Variants in CDH3 observed in about 807,000 individuals in gnomAD.
CDH3 encodes the protein cadherin-3.
In CDH3, 54 loss-of-function variants were observed where a neutral mutation model predicts 82.0. The observed-to-expected ratio is 0.66, with a 90% CI of 0.53 to 0.83. The LOEUF (loss-of-function observed/expected upper bound fraction) is 0.83. Ranked by LOEUF, CDH3 falls within the 40% of genes least tolerant of loss-of-function variation. The probability of loss-of-function intolerance (pLI) is 0.00; values close to 1 mark genes in which losing one functional copy is unlikely to be tolerated. For missense variants in CDH3, 1,054 were observed against 1,084.6 expected (o/e 0.97, Z 0.40); for synonymous variants, 446 against 437.9 (o/e 1.02, Z -0.23).
chr16:68,651,238 T>C (rs2152089714), intron 2 of CDH3: 1 of 533,798 alleles, frequency 1.9e-6, no homozygotes, highest in Non-Finnish European at 3.8e-6. Context: ...GGAGTTGTCA[T>C]ACTTGTTGGT....
intron 2 of CDH3, among the ~76,000 whole-genome samples, chr16:68,660,658 T>C (rs1669097133): frequency 1.3e-5 from 2 of 152,232 alleles, no homozygotes; most frequent in South Asian, 2.1e-4. Flanking sequence ...AAAGGATGCA[T>C]TCTTGAAAAC....
chr16:68,649,772 G>A (rs1429131164), intron 2 of CDH3, among the ~76,000 whole-genome samples: 7 of 152,202 alleles, frequency 4.6e-5, no homozygotes, highest in East Asian at 1.9e-4. Context: ...GGTGGCTCAC[G>A]GCTGTAATCC....
intron 2 of CDH3, among the ~76,000 whole-genome samples, chr16:68,659,016 A>T (rs1567439429): frequency 6.6e-6 from 1 of 152,220 alleles, no homozygotes; most frequent in Non-Finnish European, 1.5e-5. Flanking sequence ...TTTTTCAATA[A>T]AAATATGTGG....
At chr16:68,687,774 C>G (rs775699138) in intron 12 of CDH3, 38 bp downstream of exon 12, 1 of 1,478,956 alleles carries the variant, frequency 6.8e-7, no homozygotes, top group Admixed American at 1.7e-5. Flanking sequence ...GGGGTGCCAG[C>G]CCCACTGGTG....
At chr16:68,663,569 A>G (rs1960656554) in intron 2 of CDH3, among the ~76,000 whole-genome samples, 1 of 151,780 alleles carries the variant, frequency 6.6e-6, no homozygotes, top group Admixed American at 6.6e-5. Flanking sequence ...CAAATGTACT[A>G]TGCTGTTGCA....
chr16:68,671,045 C>G (rs1960871500), intron 2 of CDH3, among the ~76,000 whole-genome samples: 1 of 151,934 alleles, frequency 6.6e-6, no homozygotes, highest in African/African-American at 2.4e-5. Context: ...TGCACTCCAG[C>G]CTGAGTAACA....
intron 3 of CDH3, 87 bp from the exon 4 acceptor site, chr16:68,678,046 GC>G (rs979711648): frequency 7.8e-7 from 1 of 1,280,290 alleles, no homozygotes; most frequent in African/African-American, 1.5e-5. Context: ...ACCATGCCCA[GC>G]CACCCTTTTA....
chr16:68,694,769 A>G (rs767139938), intron 13 of CDH3, among the ~76,000 whole-genome samples: 4 of 152,220 alleles, frequency 2.6e-5, no homozygotes, highest in Non-Finnish European at 4.4e-5. Flanking sequence ...GAAAGACAAC[A>G]TCTGCTGGGA....
chr16:68,690,567 C>G (rs918925980), intron 12 of CDH3, among the ~76,000 whole-genome samples: 1 of 151,230 alleles, frequency 6.6e-6, no homozygotes, highest in African/African-American at 2.4e-5. Flanking sequence ...GAGCTGAGAT[C>G]GCGCCACTGT....
At chr16:68,690,902 G>A (rs991805984) in intron 12 of CDH3, among the ~76,000 whole-genome samples, 5 of 151,996 alleles carry the variant, frequency 3.3e-5, no homozygotes. Context: ...GCAAGACTTA[G>A]TCTCAAAAAA....
intron 2 of CDH3, among the ~76,000 whole-genome samples, chr16:68,676,008 TG>T (rs970099510): frequency 7.9e-5 from 12 of 152,098 alleles, no homozygotes; most frequent in Admixed American, 2.0e-4. Context: ...ATATATTGTG[TG>T]TAAATAGACT....
chr16:68,728,980 T>A (rs1301043207), downstream of CDH3, among the ~76,000 whole-genome samples: 1 of 152,232 alleles, frequency 6.6e-6, no homozygotes, highest in East Asian at 1.9e-4. Flanking sequence ...GGAACGCGTT[T>A]AAGGACACCT....
chr16:68,724,093 G>A lies in CDH3; in HGVS notation c.*45+1477G>A, dbSNP rs550087307. Among the ~76,000 whole-genome samples the A allele has an allele frequency of 5.4e-5, 8 of 148,066 alleles. No homozygotes were observed. The East Asian group carries it at 6.0e-4, about 11-fold the overall frequency. ...CAAAAAAAAAAAAAAAAAATTAGCC[G>A]GGTGTGGTGGCGCACACCGTAATCC... is the stretch of plus-strand genomic sequence containing the variant. On this transcript the variant is annotated intron_variant, in intron 2 of 2. Coordinates refer to the CDH3 transcript ENST00000569080.
intron 2 of CDH3, among the ~76,000 whole-genome samples, chr16:68,675,882 T>G (rs1237577641): frequency 6.6e-6 from 1 of 151,934 alleles, no homozygotes; most frequent in Admixed American, 6.6e-5. Context: ...CTCCAGCTGG[T>G]GAATGGTGGT....
chr16:68,681,662 A>T (rs1458121935), intron 8 of CDH3, among the ~76,000 whole-genome samples: 2 of 152,196 alleles, frequency 1.3e-5, no homozygotes, highest in East Asian at 3.9e-4. Context: ...ATATGGCGAA[A>T]CCCCGTCTCT....
At chr16:68,661,035 A>T (rs1257356781) in intron 2 of CDH3, among the ~76,000 whole-genome samples, 1 of 152,102 alleles carries the variant, frequency 6.6e-6, no homozygotes, top group Non-Finnish European at 1.5e-5. Flanking sequence ...TTATATTCTC[A>T]TATGAATACA....
At chr16:68,716,846 C>T (rs1023830731) in intron 1 of CDH3, among the ~76,000 whole-genome samples, 3 of 151,746 alleles carry the variant, frequency 2.0e-5, no homozygotes, top group Admixed American at 2.0e-4. Flanking sequence ...GCCTCAGCCT[C>T]CCAAGTAACT....
At chr16:68,689,242 G>C (rs927431289) in intron 12 of CDH3, among the ~76,000 whole-genome samples, 4 of 152,178 alleles carry the variant, frequency 2.6e-5, no homozygotes, top group African/African-American at 9.7e-5. Flanking sequence ...CACTTAGTAA[G>C]TGCCCATTTA....
intron 2 of CDH3, among the ~76,000 whole-genome samples, chr16:68,726,407 A>C (rs1372187369): frequency 6.6e-6 from 1 of 152,030 alleles, no homozygotes; most frequent in Admixed American, 6.6e-5. Context: ...CTGGAATTTC[A>C]GGTCCCCGCA....
Sources: gnomAD v4.1 joint callset for allele counts (sites outside exome capture counted in the v4.1 genomes callset) on GRCh38, gnomAD v4.1.1 for gene constraint, MANE v1.5 for transcripts, NCBI Gene and HGNC (gene_info 2026-07-23, HGNC 2026-07-21) for gene names.